Variants in FAM135B observed in about 807,000 individuals in gnomAD.
FAM135B encodes the protein family with sequence similarity 135 member B.
A neutral mutation model predicts 127.7 loss-of-function variants in FAM135B; 43 were observed. The observed-to-expected ratio is 0.34, with a 90% CI of 0.26 to 0.43. The LOEUF is 0.43. Among genes scored for constraint, FAM135B ranks in the 20% least tolerant of loss-of-function variants. The pLI, the probability that FAM135B is intolerant of heterozygous loss-of-function variation, is 1.00. For synonymous variants in FAM135B, 670 were observed against 665.1 expected (o/e 1.01, Z -0.11); for missense variants, 1,558 against 1,725.6 (o/e 0.90, Z 1.72).
chr8:138,175,558 C>G (rs1814376054), intron 11 of FAM135B, among the ~76,000 whole-genome samples: 1 of 152,204 alleles, frequency 6.6e-6, no homozygotes, highest in Admixed American at 6.5e-5. Context: ...CTGTGCACAT[C>G]TCTTCCCAAT....
At chr8:138,234,973 T>C (rs1373487192) in intron 7 of FAM135B, among the ~76,000 whole-genome samples, 1 of 152,250 alleles carries the variant, frequency 6.6e-6, no homozygotes, top group Non-Finnish European at 1.5e-5. Context: ...AAAACAAGTA[T>C]TTAAAATTGT....
intron 11 of FAM135B, among the ~76,000 whole-genome samples, chr8:138,171,435 C>T (rs1023991185): frequency 1.3e-5 from 2 of 152,188 alleles, no homozygotes; most frequent in African/African-American, 4.8e-5. Flanking sequence ...TGCCTATCAC[C>T]TTCCATCATG....
At chr8:138,407,544 TGGTACCAAAACA>T (rs1205440146) in intron 1 of FAM135B, among the ~76,000 whole-genome samples, 1 of 152,202 alleles carries the variant, frequency 6.6e-6, no homozygotes, top group Non-Finnish European at 1.5e-5. Flanking sequence ...AGCATGGTAC[TGGTACCAAAACA>T]GTGACATAGA....
intron 1 of FAM135B, among the ~76,000 whole-genome samples, chr8:138,393,243 T>C (rs1563964137): frequency 6.6e-6 from 1 of 152,170 alleles, no homozygotes; most frequent in Non-Finnish European, 1.5e-5. Flanking sequence ...GAGATTTGGT[T>C]GGGGACATAG....
intron 3 of FAM135B, among the ~76,000 whole-genome samples, chr8:138,292,982 C>CA (rs748885968): frequency 6.6e-6 from 1 of 152,118 alleles, no homozygotes; most frequent in African/African-American, 2.4e-5. Context: ...AGAGGAATCA[C>CA]ATTACCTGGC....
At chr8:138,346,885 G>C (rs1365486167) in intron 2 of FAM135B, among the ~76,000 whole-genome samples, 1 of 152,176 alleles carries the variant, frequency 6.6e-6, no homozygotes, top group Admixed American at 6.5e-5. Flanking sequence ...AGGCCTGGCA[G>C]GTAGCAAGCA....
chr8:138,355,566 T>C (rs544885709), intron 2 of FAM135B, among the ~76,000 whole-genome samples: 2 of 152,240 alleles, frequency 1.3e-5, no homozygotes, highest in South Asian at 2.1e-4. Flanking sequence ...ATTATGGAAA[T>C]GTGAGTGCAG....
At chr8:138,163,774 C>G (rs1819639977) in intron 12 of FAM135B, among the ~76,000 whole-genome samples, 1 of 152,140 alleles carries the variant, frequency 6.6e-6, no homozygotes, top group Non-Finnish European at 1.5e-5. Context: ...ACACCATGAA[C>G]AAATGCTATT....
chr8:138,365,512 TA>T (rs1356387094), intron 2 of FAM135B, among the ~76,000 whole-genome samples: 1 of 152,208 alleles, frequency 6.6e-6, no homozygotes, highest in Non-Finnish European at 1.5e-5. Flanking sequence ...AAATAGTTTT[TA>T]AAATATAACT....
intron 2 of FAM135B, among the ~76,000 whole-genome samples, chr8:138,334,378 T>C (rs2131012362): frequency 6.6e-6 from 1 of 152,364 alleles, no homozygotes; most frequent in East Asian, 1.9e-4. Flanking sequence ...GTTTTGTTTC[T>C]TTGTTTTCTT....
chr8:138,160,570 T>TG, intron 12 of FAM135B, among the ~76,000 whole-genome samples: 1 of 149,112 alleles, frequency 6.7e-6, no homozygotes, highest in South Asian at 2.2e-4. Flanking sequence ...TTTTTTTTTT[T>TG]GTATTTTAGT....
chr8:138,294,280 C>G (rs551790262), intron 3 of FAM135B, among the ~76,000 whole-genome samples: 1 of 151,924 alleles, frequency 6.6e-6, no homozygotes, highest in Non-Finnish European at 1.5e-5. Context: ...AAAAATTGCA[C>G]GCTGGGTACC....
chr8:138,400,545 T>A (rs879483618), intron 1 of FAM135B, among the ~76,000 whole-genome samples: 18 of 152,152 alleles, frequency 1.2e-4, no homozygotes, highest in Non-Finnish European at 2.6e-4. Flanking sequence ...ACTGAAGAGA[T>A]GAGTCAGTGA....
chr8:138,489,918 G>T (rs1815134769), intron 1 of FAM135B, among the ~76,000 whole-genome samples: 1 of 152,148 alleles, frequency 6.6e-6, no homozygotes, highest in South Asian at 2.1e-4. Context: ...TTCCCAAGTG[G>T]GGTTAGGTGT....
At chr8:138,386,778 C>T (rs375312591) in intron 1 of FAM135B, among the ~76,000 whole-genome samples, 2 of 152,298 alleles carry the variant, frequency 1.3e-5, no homozygotes, top group East Asian at 3.9e-4. Flanking sequence ...GAGACCGCTG[C>T]TTCATTCAAT....
intron 3 of FAM135B, among the ~76,000 whole-genome samples, chr8:138,274,327 C>T (rs1474421480): frequency 1.3e-5 from 2 of 152,100 alleles, no homozygotes; most frequent in Admixed American, 6.6e-5. Context: ...TGATGCCCCA[C>T]AAGTGGCAAA....
intron 7 of FAM135B, among the ~76,000 whole-genome samples, chr8:138,218,328 A>T (rs1818730924): frequency 6.6e-6 from 1 of 152,218 alleles, no homozygotes; most frequent in Admixed American, 6.5e-5. Context: ...TATTTACCAT[A>T]AGTCAATCAC....
intron 1 of FAM135B, among the ~76,000 whole-genome samples, chr8:138,417,986 GATGATA>G (rs1194757728): frequency 6.6e-6 from 1 of 152,014 alleles, no homozygotes; most frequent in Non-Finnish European, 1.5e-5. Flanking sequence ...TCAGAATCTG[GATGATA>G]ATGATTATCA....
intron 1 of FAM135B, among the ~76,000 whole-genome samples, chr8:138,491,612 T>C (rs919761845): frequency 1.3e-5 from 2 of 152,180 alleles, no homozygotes; most frequent in East Asian, 3.8e-4. Flanking sequence ...CACTCATTCA[T>C]TCATTCATTC....
Sources: allele counts gnomAD v4.1 joint callset (sites outside exome capture counted in the v4.1 genomes callset), GRCh38; gene constraint gnomAD v4.1.1; transcripts MANE v1.5; gene names NCBI Gene and HGNC (gene_info 2026-07-23, HGNC 2026-07-21).